Variants in AGL observed in about 807,000 individuals in gnomAD.
The protein encoded by AGL is glycogen debranching enzyme.
A neutral mutation model predicts 199.3 loss-of-function variants in AGL; 128 were observed. The observed-to-expected ratio is 0.64, with a 90% CI of 0.56 to 0.74. AGL has a LOEUF of 0.74. Ranked by LOEUF, AGL falls within the 30% of genes least tolerant of loss-of-function variation. AGL has a pLI of 0.00. For synonymous variants in AGL, 584 were observed against 594.7 expected (o/e 0.98, Z 0.26); for missense variants, 1,809 against 1,820.8 (o/e 0.99, Z 0.12).
chr1:99,881,894 A>T (rs546661251), intron 17 of AGL, among the ~76,000 whole-genome samples: 3 of 152,216 alleles, frequency 2.0e-5, no homozygotes, highest in African/African-American at 4.8e-5. Context: ...ACACCTCAGG[A>T]GGCTGAGGCA....
intron 5 of AGL, 46 bp from the exon 6 acceptor site, chr1:99,870,354 T>C: frequency 6.4e-7 from 1 of 1,569,188 alleles, no homozygotes; most frequent in South Asian, 1.1e-5. Flanking sequence ...AGATACAGTT[T>C]CAATTTAATT....
At chr1:99,915,885 T>C (rs1043293740) in intron 31 of AGL, among the ~76,000 whole-genome samples, 2 of 152,172 alleles carry the variant, frequency 1.3e-5, no homozygotes, top group African/African-American at 4.8e-5. Context: ...AACTGTGTTA[T>C]AAGTTCCATG....
chr1:99,916,096 G>A (rs1048715566), intron 31 of AGL, among the ~76,000 whole-genome samples: 3 of 151,740 alleles, frequency 2.0e-5, no homozygotes, highest in Admixed American at 2.0e-4. Flanking sequence ...TATATTAGAG[G>A]CCTAGGAAAT....
intron 12 of AGL, among the ~76,000 whole-genome samples, chr1:99,879,141 A>G (rs138310818): frequency 6.6e-6 from 1 of 152,194 alleles, no homozygotes; most frequent in Non-Finnish European, 1.5e-5. Flanking sequence ...AGAGTTTTTA[A>G]GAGTTATTTA....
chr1:99,884,395 A>G lies in AGL; in HGVS notation c.2490A>G (p.Glu830=), dbSNP rs928927878. 2.3e-5 allele frequency: 37 copies of G among 1,613,302 alleles called. No homozygotes were observed. Among genetic ancestry groups the G allele is most frequent in the Non-Finnish European group, 3.1e-5 (37 of 1,179,694 alleles). ...QAGVATKGPN[E]YIQEIEFENL... ...GAGTTGCCACAAAAGGGCCCAATGA[A>G]TATATTCAAGAAATAGAATTTGAAA... is the stretch of plus-strand genomic sequence containing the variant. The change falls in exon 19 of 34, where the codon GAA becomes GAG. Residue 830 remains glutamate (E), a synonymous_variant. Transcript: ENST00000361915.
intron 17 of AGL, 32 bp from the exon 18 acceptor site, chr1:99,884,088 A>T (rs755133485): frequency 3.8e-6 from 6 of 1,581,802 alleles, no homozygotes; most frequent in Non-Finnish European, 5.2e-6. Flanking sequence ...TTCCATATGA[A>T]ATTTTGTTAA....
Position 99,880,770 on chromosome 1 carries a change from C to T in AGL, c.1874C>T (p.Thr625Met), listed in dbSNP as rs147569805. Residue 625 changes from threonine (T) to methionine (M), a missense_variant, in exon 14 of 34, where the codon ACG (threonine) becomes ATG (methionine). Transcript: ENST00000361915. ...GCACATGCCCTGTTTATGGATATTACGCATGATAATGAGTGTCCTATTGTG... is the reference window on the plus strand; with the variant it reads ...GCACATGCCCTGTTTATGGATATTATGCATGATAATGAGTGTCCTATTGTG... ...AIAHALFMDI[T>M]HDNECPIVHR... 22 of 1,613,822 alleles carry T rather than the reference C, an allele frequency of 1.4e-5. No homozygotes were observed. The highest frequency in any genetic ancestry group is 2.7e-5 in the African/African-American group (2 of 74,894).
intron 31 of AGL, 27 bp downstream of exon 31, chr1:99,915,513 TGTTATCA>T (rs763661367): frequency 1.3e-6 from 2 of 1,561,102 alleles, no homozygotes; most frequent in Non-Finnish European, 1.8e-6. Flanking sequence ...GTATTAAGAA[TGTTATCA>T]TATTTAATCC....
At chr1:99,874,835 A>G (rs1553185344) in intron 8 of AGL, 25 bp downstream of exon 8, 1 of 1,609,554 alleles carries the variant, frequency 6.2e-7, no homozygotes, top group Non-Finnish European at 8.5e-7. Context: ...TTTTTCTGTG[A>G]AATAATAATA....
intron 11 of AGL, among the ~76,000 whole-genome samples, chr1:99,876,880 T>A (rs549325120): frequency 6.6e-6 from 1 of 152,236 alleles, no homozygotes; most frequent in Non-Finnish European, 1.5e-5. Context: ...AAGCTTTTAT[T>A]TGGACAAAAT....
chr1:99,899,949 T>C (rs2100815716), intron 25 of AGL, among the ~76,000 whole-genome samples: 1 of 151,484 alleles, frequency 6.6e-6, no homozygotes, highest in Admixed American at 6.6e-5. Flanking sequence ...TTTTTTTTTT[T>C]GATAGAGTCT....
chr1:99,888,014 G>C lies in AGL; in HGVS notation c.2718G>C (p.Gln906His). The change falls in exon 21 of 34, where the codon CAG (glutamine) becomes CAC (histidine). Residue 906 changes from glutamine (Q) to histidine (H), a missense_variant. Coordinates refer to ENST00000361915, the MANE Select transcript of AGL (RefSeq NM_000642.3). ...GATTAACTTTGGCTGAGCTAAATCAGATCCTTTACCGATGTGAATCAGAAG... is the reference window on the plus strand; with the variant it reads ...GATTAACTTTGGCTGAGCTAAATCACATCCTTTACCGATGTGAATCAGAAG... ...ASRLTLAELN[Q>H]ILYRCESEEK... is the part of the protein sequence containing the mutation. The C allele has an allele frequency of 6.2e-7, 1 of 1,613,472 alleles. No homozygotes were observed. Among genetic ancestry groups the C allele is most frequent in the African/African-American group, 1.3e-5 (1 of 74,998 alleles).
At chr1:99,914,588 C>A (rs940642422) in intron 30 of AGL, among the ~76,000 whole-genome samples, 1 of 152,096 alleles carries the variant, frequency 6.6e-6, no homozygotes, top group African/African-American at 2.4e-5. Flanking sequence ...TTTGGTTCAG[C>A]GTGGACCATT....
chr1:99,888,158 T>G (rs1171492273), intron 21 of AGL, 50 bp downstream of exon 21: 2 of 1,604,260 alleles, frequency 1.2e-6, no homozygotes, highest in South Asian at 2.2e-5. Flanking sequence ...TTTAGGGTCA[T>G]CTGGTGTCTT....
At chr1:99,891,510 G>A in intron 22 of AGL, 96 bp from the exon 23 acceptor site, 4 of 1,531,008 alleles carry the variant, frequency 2.6e-6, no homozygotes, top group Non-Finnish European at 2.7e-6. Context: ...CGGGTTTATA[G>A]ATTACTAGAT....
intron 27 of AGL, among the ~76,000 whole-genome samples, chr1:99,907,686 G>GTTTTTTTTTTTT (rs1238445536): frequency 1.0e-4 from 6 of 59,840 alleles, no homozygotes; most frequent in African/African-American, 2.8e-4. Flanking sequence ...GTTTGTTTTT[G>GTTTTTTTTTTTT]TTTTTTGTTT....
chr1:99,860,000 ATC>A (rs1218399279), intron 2 of AGL, among the ~76,000 whole-genome samples: 1 of 152,150 alleles, frequency 6.6e-6, no homozygotes, highest in Non-Finnish European at 1.5e-5. Flanking sequence ...CTTATACATA[ATC>A]TCTGTTTACA....
At chr1:99,893,714 AAAATT>A (rs1464331910) in intron 24 of AGL, among the ~76,000 whole-genome samples, 9 of 152,244 alleles carry the variant, frequency 5.9e-5, no homozygotes, top group African/African-American at 2.2e-4. Flanking sequence ...TAAAAACTAA[AAAATT>A]AAGTTGATAA....
Position 99,922,473 on chromosome 1 carries a change from C to G in AGL, c.*822C>G, listed in dbSNP as rs1262825142. 1.3e-5 allele frequency: 2 copies of G among 151,650 alleles called. No homozygotes were observed. Among genetic ancestry groups the G allele is most frequent in the Non-Finnish European group, 3.0e-5 (2 of 67,768 alleles). 9.4% of individuals were successfully genotyped at this position (151,650 alleles called of 1,614,324 possible). On this transcript the variant is annotated 3_prime_UTR_variant, in exon 34 of 34. Coordinates refer to ENST00000361915, the MANE Select transcript of AGL (RefSeq NM_000642.3). ...TTTAGTCATGTTCAAAAATCTATTG[C>G]TAGATCATAGTAGATACTGGTTTTC...
Sources: allele counts gnomAD v4.1 joint callset (sites outside exome capture counted in the v4.1 genomes callset), GRCh38; gene constraint gnomAD v4.1.1; transcripts MANE v1.5; gene names NCBI Gene and HGNC (gene_info 2026-07-23, HGNC 2026-07-21).